The following SNX13 variants were observed in gnomAD, a reference collection of about 807,000 sequenced individuals.
SNX13 encodes sorting nexin-13.
A neutral mutation model predicts 133.6 loss-of-function variants in SNX13; 45 were observed. The ratio of observed to expected loss-of-function variants is 0.34; its 90% CI spans 0.27 to 0.43. The LOEUF (loss-of-function observed/expected upper bound fraction) is 0.43. SNX13 is among the 20% of genes least tolerant of loss of function. The probability of loss-of-function intolerance (pLI) is 1.00; values close to 1 mark genes in which losing one functional copy is unlikely to be tolerated. For missense variants in SNX13, 1,032 were observed against 1,145.1 expected (o/e 0.90, Z 1.43); for synonymous variants, 414 against 373.9 (o/e 1.11, Z -1.24).
intron 1 of SNX13, among the ~76,000 whole-genome samples, chr7:17,929,347 C>T (rs1226996901): frequency 6.6e-6 from 1 of 151,970 alleles, no homozygotes; most frequent in Non-Finnish European, 1.5e-5. Context: ...ATAGTTTATT[C>T]TATTATTATG....
At chr7:17,866,869 C>G (rs1793463327) in intron 9 of SNX13, among the ~76,000 whole-genome samples, 1 of 152,076 alleles carries the variant, frequency 6.6e-6, no homozygotes, top group Admixed American at 6.5e-5. Flanking sequence ...TTGGAATGTT[C>G]CTAACACAAA....
chr7:17,926,425 A>G (rs1243834110), intron 1 of SNX13, among the ~76,000 whole-genome samples: 1 of 152,232 alleles, frequency 6.6e-6, no homozygotes, highest in Non-Finnish European at 1.5e-5. Context: ...TAGAAAGGCA[A>G]AATCTATAGA....
chr7:17,890,455 G>A lies in SNX13; in HGVS notation c.348C>T (p.Val116=). 6.3e-7 allele frequency: 1 copy of A among 1,589,922 alleles called. No individual in the cohort carries two copies. Among genetic ancestry groups the A allele is most frequent in the Non-Finnish European group, 8.6e-7 (1 of 1,167,328 alleles). ...CGCTTAGTGTATAATACCAATACTG[G>A]ACATAATCCCTCAAGGAAAACTGGA... ...QVIQFSLRDY[V]QYWYYTLSDD... The change falls in exon 5 of 26, where the codon GTC becomes GTT. Residue 116 remains valine (V), a synonymous_variant. Transcript: ENST00000428135.
intron 18 of SNX13, among the ~76,000 whole-genome samples, chr7:17,817,250 C>CT (rs1471727268): frequency 6.6e-6 from 1 of 152,126 alleles, no homozygotes; most frequent in Non-Finnish European, 1.5e-5. Context: ...TGCTAAAACA[C>CT]TTTTTTTAAC....
At chr7:17,919,101 A>T (rs984197448) in intron 1 of SNX13, among the ~76,000 whole-genome samples, 2 of 152,194 alleles carry the variant, frequency 1.3e-5, no homozygotes, top group South Asian at 4.1e-4. Context: ...GAGGGGAAGA[A>T]TGGAGGGAGC....
chr7:17,879,106 T>G (rs1331211244), intron 5 of SNX13, among the ~76,000 whole-genome samples: 2 of 152,232 alleles, frequency 1.3e-5, no homozygotes, highest in Non-Finnish European at 2.9e-5. Context: ...TTTCCACTTT[T>G]TATAGCTCTT....
intron 9 of SNX13, among the ~76,000 whole-genome samples, chr7:17,858,542 T>C (rs532531142): frequency 4.6e-5 from 7 of 152,138 alleles, no homozygotes; most frequent in Middle Eastern, 3.4e-3. Context: ...GAAGACAAAA[T>C]GTTAAACTAT....
chr7:17,928,856 A>C (rs1331603758), intron 1 of SNX13, among the ~76,000 whole-genome samples: 1 of 152,178 alleles, frequency 6.6e-6, no homozygotes, highest in Non-Finnish European at 1.5e-5. Flanking sequence ...TAAGTCCAAG[A>C]TGATGTCTTT....
chr7:17,845,153 T>TATAC (rs1790341158), intron 12 of SNX13, among the ~76,000 whole-genome samples: 1 of 148,822 alleles, frequency 6.7e-6, no homozygotes, highest in African/African-American at 2.5e-5. Flanking sequence ...TGCGTGTGTG[T>TATAC]ACACACACAC....
intron 5 of SNX13, among the ~76,000 whole-genome samples, chr7:17,883,724 C>A (rs1050879493): frequency 6.6e-6 from 1 of 152,036 alleles, no homozygotes; most frequent in African/African-American, 2.4e-5. Context: ...CCCTCACCCC[C>A]CAAGAGGCCC....
chr7:17,911,671 T>G (rs905551067), intron 1 of SNX13, among the ~76,000 whole-genome samples: 1 of 151,718 alleles, frequency 6.6e-6, no homozygotes, highest in Non-Finnish European at 1.5e-5. Flanking sequence ...ACATAATTGC[T>G]TCCCATAACG....
chr7:17,852,930 A>G (rs1392787073), intron 9 of SNX13, among the ~76,000 whole-genome samples: 2 of 152,368 alleles, frequency 1.3e-5, no homozygotes, highest in African/African-American at 2.4e-5. Flanking sequence ...ACGTGGTAAC[A>G]GGATATTATG....
At chr7:17,907,646 T>C (rs2128013727) in intron 1 of SNX13, among the ~76,000 whole-genome samples, 1 of 152,268 alleles carries the variant, frequency 6.6e-6, no homozygotes, top group East Asian at 1.9e-4. Context: ...CCATGAATGT[T>C]TTAGTACTGC....
At chr7:17,891,409 C>G in intron 4 of SNX13, 137 bp downstream of exon 4, 2 of 529,100 alleles carry the variant, frequency 3.8e-6, no homozygotes, top group Non-Finnish European at 3.2e-6. Flanking sequence ...GAAGCATCTT[C>G]AAGTATAAAA....
At chr7:17,818,931 A>G (rs949451) in intron 18 of SNX13, among the ~76,000 whole-genome samples, 86,085 of 152,014 alleles carry the variant, frequency 0.57, 24,937 homozygotes, top group East Asian at 0.73. Flanking sequence ...GAGTTTATCT[A>G]TACCTATACA....
At chr7:17,826,918 G>T (rs1287464669) in intron 16 of SNX13, among the ~76,000 whole-genome samples, 15 of 152,084 alleles carry the variant, frequency 9.9e-5, no homozygotes. Flanking sequence ...TTCCAAGTTT[G>T]TCCCTCGGAT....
intron 20 of SNX13, among the ~76,000 whole-genome samples, chr7:17,804,399 AT>A (rs1483698198): frequency 6.6e-6 from 1 of 152,158 alleles, no homozygotes; most frequent in African/African-American, 2.4e-5. Flanking sequence ...AGAATACATT[AT>A]ATGTGCAATT....
chr7:17,902,718 C>A (rs1452592390), intron 1 of SNX13, among the ~76,000 whole-genome samples: 7 of 152,134 alleles, frequency 4.6e-5, no homozygotes, highest in Non-Finnish European at 1.0e-4. Flanking sequence ...CAGTGATTTA[C>A]ATTTTTAAAA....
intron 15 of SNX13, among the ~76,000 whole-genome samples, chr7:17,832,694 T>A (rs1788645042): frequency 6.6e-6 from 1 of 151,448 alleles, no homozygotes; most frequent in Admixed American, 6.6e-5. Context: ...AGAGAAGAAC[T>A]CTGTTTTTTT....
Sources: gnomAD v4.1 joint callset for allele counts (sites outside exome capture counted in the v4.1 genomes callset) on GRCh38, gnomAD v4.1.1 for gene constraint, MANE v1.5 for transcripts, NCBI Gene and HGNC (gene_info 2026-07-23, HGNC 2026-07-21) for gene names.